The following KLHDC2 variants were observed in gnomAD, a reference collection of about 807,000 sequenced individuals.
The protein encoded by KLHDC2 is kelch domain-containing protein 2.
KLHDC2 carries 38 observed loss-of-function variants against 62.3 expected under a neutral mutation model. The observed-to-expected ratio is 0.61, with a 90% CI of 0.47 to 0.80. The LOEUF is 0.80. Ranked by LOEUF, KLHDC2 falls within the 30% of genes least tolerant of loss-of-function variation. The pLI is 0.00. For missense variants in KLHDC2, 430 were observed against 495.3 expected, an observed-to-expected ratio of 0.87 and a Z score of 1.25; for synonymous variants, 159 against 161.0, an observed-to-expected ratio of 0.99 and a Z score of 0.09.
chr14:49,774,556 C>T lies in KLHDC2; in HGVS notation c.234-5C>T, dbSNP rs1271549860. The stretch of plus-strand genomic sequence containing the variant: ...CTTACATACATTTAATTTATTCCCC[C>T]TCAGGAAAAAAATCAACACTGAAGG... On this transcript the variant is annotated splice_polypyrimidine_tract_variant and splice_region_variant and intron_variant, in intron 2 of 12. Transcript: ENST00000298307. 1 of 1,584,282 alleles carries T rather than the reference C, an allele frequency of 6.3e-7. No individual in the cohort carries two copies. The highest frequency in any genetic ancestry group is 8.7e-7 in the Non-Finnish European group (1 of 1,153,064).
chr14:49,783,932 T>C lies in KLHDC2; in HGVS notation c.*979T>C, dbSNP rs1890035836. 6.6e-6 allele frequency: 1 copy of C among 152,162 alleles called. No homozygotes were observed. The highest frequency in any genetic ancestry group is 1.5e-5 in the Non-Finnish European group (1 of 68,012). The allele number at this position is 152,162 out of a possible 1,614,324, so 9.4% of individuals were successfully genotyped here. A position where few individuals can be genotyped will look rare whatever the true frequency, so the allele number is the denominator to read the frequency against. On this transcript the variant is annotated 3_prime_UTR_variant, in exon 13 of 13. Coordinates refer to ENST00000298307, the MANE Select transcript of KLHDC2 (RefSeq NM_014315.3). ...AGTTTTCAAGACACAATCCTAAATA[T>C]TTAAACCCCTTGTAGCTGGCCTATA...
intron 10 of KLHDC2, among the ~76,000 whole-genome samples, chr14:49,781,688 C>T (rs1213170643): frequency 6.6e-6 from 1 of 150,612 alleles, no homozygotes; most frequent in South Asian, 2.1e-4. Context: ...TAGAGCAAGA[C>T]TCTGTCTCTT....
chr14:49,774,803 TATG>T, intron 3 of KLHDC2, 125 bp downstream of exon 3: 1 of 745,036 alleles, frequency 1.3e-6, no homozygotes, highest in East Asian at 2.4e-5. Context: ...TGTACTTGAT[TATG>T]ATATGAATGT....
At chr14:49,771,570 A>G in intron 1 of KLHDC2, 24 bp from the exon 2 acceptor site, 2 of 1,043,156 alleles carry the variant, frequency 1.9e-6, no homozygotes, top group Non-Finnish European at 3.0e-6. Flanking sequence ...CAGTTTTTAT[A>G]TTTACAATTT....
chr14:49,768,286 G>C lies in KLHDC2; in HGVS notation c.-183G>C, dbSNP rs1889584928. 2 of 603,574 alleles carry C rather than the reference G, an allele frequency of 3.3e-6. No homozygotes were observed. Among genetic ancestry groups the C allele is most frequent in the Non-Finnish European group, 5.3e-6 (2 of 374,600 alleles). The allele number at this position is 603,574 out of a possible 1,614,324, so 37.4% of individuals were successfully genotyped here. On this transcript the variant is annotated 5_prime_UTR_variant, in exon 1 of 13. Coordinates refer to ENST00000298307, the MANE Select transcript of KLHDC2 (RefSeq NM_014315.3). ...GCAGGCGTGCCCCGGCGGCGGCGGA[G>C]AGCCGTCCTCGGCCGAGGAGGCTGG...
In KLHDC2 at chr14:49,768,553, C is replaced by G; in HGVS notation, c.85C>G (p.Pro29Ala). 6.2e-7 allele frequency: 1 copy of G among 1,608,990 alleles called. No individual in the cohort carries two copies. The change falls in exon 1 of 13, where the codon CCC becomes GCC. Residue 29 changes from proline to alanine, a missense_variant. By Grantham distance (27) the Pro-to-Ala change is conservative. Coordinates refer to ENST00000298307, the MANE Select transcript of KLHDC2 (RefSeq NM_014315.3). ...ESYESMELAC[P>A]AERSGHVAVS... Reference sequence around the variant, plus strand: ...CTATGAGTCCATGGAGCTTGCCTGCCCCGCTGAGCGCAGCGGCCACGTAGC... The same window carrying G: ...CTATGAGTCCATGGAGCTTGCCTGCGCCGCTGAGCGCAGCGGCCACGTAGC...
chr14:49,778,543 G>A, intron 6 of KLHDC2, 49 bp downstream of exon 6: 1 of 782,754 alleles, frequency 1.3e-6, no homozygotes. Context: ...AGAGGCAGTG[G>A]GGAGGGGTGG....
chr14:49,770,523 T>C (rs1889641045), intron 1 of KLHDC2, among the ~76,000 whole-genome samples: 2 of 152,236 alleles, frequency 1.3e-5, no homozygotes, highest in African/African-American at 4.8e-5. Context: ...CGCAGTCGTT[T>C]ACTGTGTCAA....
In KLHDC2 at chr14:49,783,060, G is replaced by A; in HGVS notation, c.*107G>A. On this transcript the variant is annotated 3_prime_UTR_variant, in exon 13 of 13. Coordinates refer to ENST00000298307, the MANE Select transcript of KLHDC2 (RefSeq NM_014315.3). ...ATATGCATTGTTGTAGTTTGCACCT[G>A]TTGGTTTTAATGTGCATGTGAATGG... 2 of 1,248,028 alleles carry A rather than the reference G, an allele frequency of 1.6e-6. No homozygotes were observed. Among genetic ancestry groups the A allele is most frequent in the Non-Finnish European group, 2.2e-6 (2 of 911,092 alleles). The allele number at this position is 1,248,028 out of a possible 1,614,324, so 77.3% of individuals were successfully genotyped here.
chr14:49,775,159 G>A (rs890894490), intron 3 of KLHDC2, among the ~76,000 whole-genome samples: 3 of 152,066 alleles, frequency 2.0e-5, no homozygotes, highest in African/African-American at 7.2e-5. Flanking sequence ...TTCCAAGTAG[G>A]AAAAAATATA....
Position 49,768,352 on chromosome 14 carries a change from C to T in KLHDC2, c.-117C>T. 8.4e-7 allele frequency: 1 copy of T among 1,189,772 alleles called. No individual in the cohort carries two copies. 73.7% of individuals were successfully genotyped at this position (1,189,772 alleles called of 1,614,324 possible). On this transcript the variant is annotated 5_prime_UTR_variant, in exon 1 of 13. Transcript: ENST00000298307. ...GCGGCAGAGAGGCCTCAACGCCGTC[C>T]CTTTCGCCACCGCCTTTTCCTTGCC...
At chr14:49,771,897 G>A (rs1004779330) in intron 2 of KLHDC2, among the ~76,000 whole-genome samples, 2 of 152,132 alleles carry the variant, frequency 1.3e-5, no homozygotes, top group African/African-American at 4.8e-5. Context: ...AGTCCGAGGT[G>A]GGAGAATCGC....
intron 3 of KLHDC2, among the ~76,000 whole-genome samples, chr14:49,775,192 A>G (rs989128023): frequency 2.6e-5 from 4 of 152,224 alleles, no homozygotes; most frequent in Admixed American, 6.5e-5. Context: ...TTTCAGACCA[A>G]TAAGAGACAG....
At position 49,780,221 on chromosome 14, in the gene KLHDC2, A is replaced by G. The variant is rs764814495; in HGVS notation, c.782A>G (p.Gln261Arg). Reference protein sequence around the residue: ...DTWEWNELIPQGICPVGRSWH... With the variant: ...DTWEWNELIPRGICPVGRSWH... ...TTAGCTATTATTTTCAGAATTCCAC[A>G]AGGCATATGCCCAGTTGGTCGATCT... is the stretch of plus-strand genomic sequence containing the variant. The change falls in exon 9 of 13, where the codon CAA (glutamine) becomes CGA (arginine). Residue 261 changes from glutamine to arginine, a missense_variant. By Grantham distance (43) the Gln-to-Arg change is conservative (BLOSUM62 1). Coordinates refer to ENST00000298307, the MANE Select transcript of KLHDC2 (RefSeq NM_014315.3). The G allele has an allele frequency of 2.5e-6, 4 of 1,602,592 alleles. No individual in the cohort carries two copies. In the South Asian group the frequency reaches 4.4e-5, roughly 18 times the overall value.
In KLHDC2 at chr14:49,782,447, A is replaced by G; in HGVS notation, c.1034A>G (p.His345Arg). The G allele has an allele frequency of 6.2e-7, 1 of 1,611,604 alleles. No individual in the cohort carries two copies. Among genetic ancestry groups the G allele is most frequent in the Non-Finnish European group, 8.5e-7 (1 of 1,177,906 alleles). ...GGATGTGCCAACAACTTGCTTGTCC[A>G]TCACAGAGCTGTAAGTATACTACCT... ...FGGCANNLLV[H>R]HRAAHSNEIL... The change falls in exon 11 of 13, where the codon CAT (histidine) becomes CGT (arginine). Residue 345 changes from histidine (H) to arginine (R), a missense_variant. Coordinates refer to ENST00000298307, the MANE Select transcript of KLHDC2 (RefSeq NM_014315.3).
At position 49,780,763 on chromosome 14, in the gene KLHDC2, C is replaced by T. The variant is rs1266005678; in HGVS notation, c.944C>T (p.Thr315Ile). Residue 315 changes from threonine (T) to isoleucine (I), a missense_variant, in exon 10 of 13, where the codon ACC becomes ATC. By Grantham distance (89) the Thr-to-Ile change is moderately conservative (BLOSUM62 -1). Coordinates refer to ENST00000298307, the MANE Select transcript of KLHDC2 (RefSeq NM_014315.3). Reference sequence around the variant, plus strand: ...TGGATACAATTTAATCATCCATATACCGAAAAACCAAGGTATTTAAAAGCA... The same window carrying T: ...TGGATACAATTTAATCATCCATATATCGAAAAACCAAGGTATTTAAAAGCA... ...NEWIQFNHPY[T>I]EKPRLWHTAC... The T allele has an allele frequency of 1.3e-6, 2 of 1,589,986 alleles. No homozygotes were observed. The highest frequency in any genetic ancestry group is 1.7e-6 in the Non-Finnish European group (2 of 1,158,140).
rs1889804901 is a variant in KLHDC2, at chr14:49,777,841, C to G, written c.354C>G (p.Phe118Leu). The G allele has an allele frequency of 6.5e-7, 1 of 1,536,990 alleles. No individual in the cohort carries two copies. Among genetic ancestry groups the G allele is most frequent in the Non-Finnish European group, 8.9e-7 (1 of 1,127,214 alleles). The stretch of plus-strand genomic sequence containing the variant: ...ACTGAAATCATTGCTTCTGACAGTT[C>G]TACATGCTGGATTCAAGGTCTACAG... ...GHHSRGNTNK[F>L]YMLDSRSTDR... Residue 118 changes from phenylalanine (F) to leucine (L), a missense_variant and splice_region_variant, in exon 4 of 13, where the codon TTC (phenylalanine) becomes TTG (leucine). Coordinates refer to ENST00000298307, the MANE Select transcript of KLHDC2 (RefSeq NM_014315.3).
At chr14:49,771,233 C>T (rs1444050491) in intron 1 of KLHDC2, among the ~76,000 whole-genome samples, 1 of 152,038 alleles carries the variant, frequency 6.6e-6, no homozygotes, top group Non-Finnish European at 1.5e-5. Context: ...CGTGCAGTCC[C>T]AGCTACTTAG....
At chr14:49,772,329 T>G (rs1022730710) in intron 2 of KLHDC2, among the ~76,000 whole-genome samples, 1 of 152,226 alleles carries the variant, frequency 6.6e-6, no homozygotes, top group Non-Finnish European at 1.5e-5. Flanking sequence ...GTATAGAATT[T>G]TATCTGCTAA....
Sources: allele counts gnomAD v4.1 joint callset (sites outside exome capture counted in the v4.1 genomes callset), GRCh38; gene constraint gnomAD v4.1.1; transcripts MANE v1.5; gene names NCBI Gene and HGNC (gene_info 2026-07-23, HGNC 2026-07-21).